Variants in MFSD11 observed in about 807,000 individuals in gnomAD.
MFSD11 encodes UNC93-like protein MFSD11.
A neutral mutation model predicts 53.5 loss-of-function variants in MFSD11; 36 were observed. The observed-to-expected ratio is 0.67, with a 90% CI of 0.52 to 0.89. MFSD11 has a LOEUF of 0.89. Ranked by LOEUF, MFSD11 falls within the 40% of genes least tolerant of loss-of-function variation. The probability of loss-of-function intolerance (pLI) is 0.00; values close to 1 mark genes in which losing one functional copy is unlikely to be tolerated. For synonymous variants in MFSD11, 186 were observed against 184.9 expected (o/e 1.01, Z -0.05); for missense variants, 530 against 543.9 (o/e 0.97, Z 0.25).
chr17:76,764,174 T>G (rs1049258553), intron 8 of MFSD11, among the ~76,000 whole-genome samples: 1 of 152,202 alleles, frequency 6.6e-6, no homozygotes, highest in African/African-American at 2.4e-5. Context: ...TTTTGATATA[T>G]GTATACATTG....
At chr17:76,777,598 G>A (rs897203593) in intron 12 of MFSD11, among the ~76,000 whole-genome samples, 2 of 148,614 alleles carry the variant, frequency 1.3e-5, no homozygotes. Context: ...TTTTGCTTTT[G>A]TCTTGTATTG....
Position 76,778,574 on chromosome 17 carries a change from T to C in MFSD11, c.*222T>C, listed in dbSNP as rs1439004991. 4.3e-6 allele frequency: 2 copies of C among 468,286 alleles called. No individual in the cohort carries two copies. The highest frequency in any genetic ancestry group is 3.7e-5 in the Admixed American group (1 of 27,196). The allele number at this position is 468,286 out of a possible 1,614,324, so 29.0% of individuals were successfully genotyped here. A position where few individuals can be genotyped will look rare whatever the true frequency, so the allele number is the denominator to read the frequency against. ...GGAAAGCTGTTCTGTCAACTGTAAT[T>C]GTTCAAAGATGTTGTTTTTCATTTC... On this transcript the variant is annotated 3_prime_UTR_variant, in exon 13 of 13. Coordinates refer to ENST00000685175, the MANE Select transcript of MFSD11 (RefSeq NM_001242532.5).
chr17:76,798,430 G>T, the MFSD11 span, among the ~76,000 whole-genome samples: 10 of 152,276 alleles, frequency 6.6e-5, no homozygotes, highest in Admixed American at 5.9e-4. Context: ...CAGGAGATCA[G>T]TGGGTGGGAT....
intron 7 of MFSD11, among the ~76,000 whole-genome samples, chr17:76,748,928 C>T (rs1432235215): frequency 2.6e-5 from 4 of 151,408 alleles, no homozygotes; most frequent in Non-Finnish European, 5.9e-5. Context: ...CCCTTCTTTT[C>T]TTCCTTCCCC....
At position 76,742,401 on chromosome 17, in the gene MFSD11, G is replaced by T. The variant is rs377034062; in HGVS notation, c.437+128G>T. 3.8e-5 allele frequency: 28 copies of T among 733,786 alleles called. No homozygotes were observed. The East Asian group carries it at 7.5e-4, about 20-fold the overall frequency. 45.5% of individuals were successfully genotyped at this position (733,786 alleles called of 1,614,324 possible). A position where few individuals can be genotyped will look rare whatever the true frequency, so the allele number is the denominator to read the frequency against. ...GACTTAAGTTCTAGCTAAATGTGAC[G>T]TGATTCCAATTTTATAGAATCACTT... On this transcript the variant is annotated intron_variant, in intron 5 of 12. Coordinates refer to ENST00000685175, the MANE Select transcript of MFSD11 (RefSeq NM_001242532.5).
intron 7 of MFSD11, 52 bp downstream of exon 7, chr17:76,744,518 C>A: frequency 6.5e-7 from 1 of 1,535,804 alleles, no homozygotes; most frequent in Non-Finnish European, 8.8e-7. Context: ...TTGAGTAGAT[C>A]TAGTCTAGAG....
chr17:76,741,157 C>A, intron 3 of MFSD11, 93 bp downstream of exon 3: 1 of 872,866 alleles, frequency 1.1e-6, no homozygotes. Flanking sequence ...TAGACTTGGA[C>A]TGAATAGAAT....
At chr17:76,749,366 A>G (rs895010606) in intron 7 of MFSD11, among the ~76,000 whole-genome samples, 3 of 151,948 alleles carry the variant, frequency 2.0e-5, no homozygotes, top group Non-Finnish European at 4.4e-5. Flanking sequence ...TCTACCAAAA[A>G]AAAAATACAA....
intron 12 of MFSD11, 78 bp from the exon 13 acceptor site, chr17:76,778,110 A>G (rs1410617669): frequency 2.1e-6 from 3 of 1,449,770 alleles, no homozygotes; most frequent in Admixed American, 1.7e-5. Flanking sequence ...GGGGCAGGAT[A>G]GGAGTGGGGC....
the MFSD11 span, among the ~76,000 whole-genome samples, chr17:76,795,526 G>A: frequency 6.6e-6 from 1 of 151,982 alleles, no homozygotes; most frequent in African/African-American, 2.4e-5. Flanking sequence ...AGGAAGATGT[G>A]TGTAGGTTAT....
chr17:76,737,287 A>T (rs1195496251), upstream of MFSD11: 1 of 1,312,170 alleles, frequency 7.6e-7, no homozygotes, highest in Non-Finnish European at 1.0e-6. Context: ...TTGCCGCAGA[A>T]CAGCACGGAC....
chr17:76,748,510 C>T (rs1448437645), intron 7 of MFSD11, among the ~76,000 whole-genome samples: 2 of 151,208 alleles, frequency 1.3e-5, no homozygotes, highest in African/African-American at 4.9e-5. Context: ...CATAGCAAGA[C>T]CTAGTCTCTA....
chr17:76,788,352 A>G, the MFSD11 span, among the ~76,000 whole-genome samples: 1 of 147,652 alleles, frequency 6.8e-6, no homozygotes, highest in African/African-American at 2.5e-5. Flanking sequence ...CAAAATATAT[A>G]TGTATATATT....
chr17:76,742,384 T>G, intron 5 of MFSD11, 111 bp downstream of exon 5: 1 of 856,352 alleles, frequency 1.2e-6, no homozygotes. Context: ...GTGACTTAAG[T>G]TCTAGCTAAA....
chr17:76,761,476 G>T (rs1038535206), intron 8 of MFSD11, among the ~76,000 whole-genome samples: 4 of 152,084 alleles, frequency 2.6e-5, no homozygotes, highest in African/African-American at 9.7e-5. Context: ...AATTATCTCT[G>T]TGAATGTTCA....
chr17:76,767,004 C>T (rs868605958), intron 8 of MFSD11: 2 of 175,110 alleles, frequency 1.1e-5, no homozygotes, highest in Non-Finnish European at 2.4e-5. Flanking sequence ...CTTAAAGCTG[C>T]TCCATGATAA....
intron 7 of MFSD11, 69 bp downstream of exon 7, chr17:76,744,535 A>C: frequency 7.0e-7 from 1 of 1,433,052 alleles, no homozygotes; most frequent in East Asian, 2.4e-5. Context: ...AGAGATTACC[A>C]ACCCGTTTAG....
chr17:76,778,251 G>A lies in MFSD11; in HGVS notation c.1249G>A (p.Val417Ile). Residue 417 changes from valine (V) to isoleucine (I), a missense_variant, in exon 13 of 13, where the codon GTC becomes ATC. Coordinates refer to ENST00000685175, the MANE Select transcript of MFSD11 (RefSeq NM_001242532.5). ...CCTTCTCCTTCACTGGCAACTCCTG[G>A]TCATGGTGATATTTGGGTTTTTTGG... is the stretch of plus-strand genomic sequence containing the variant. Reference protein sequence around the residue: ...NYLLLHWQLLVMVIFGFFGTI... With the variant: ...NYLLLHWQLLIMVIFGFFGTI... The A allele has an allele frequency of 6.2e-7, 1 of 1,614,140 alleles. No homozygotes were observed. The highest frequency in any genetic ancestry group is 8.5e-7 in the Non-Finnish European group (1 of 1,180,030).
chr17:76,746,986 G>A (rs2078605402), intron 7 of MFSD11, among the ~76,000 whole-genome samples: 1 of 149,976 alleles, frequency 6.7e-6, no homozygotes, highest in South Asian at 2.1e-4. Context: ...TCGGCTCACT[G>A]CAACCTCTGC....
Sources: gnomAD v4.1 joint callset for allele counts (sites outside exome capture counted in the v4.1 genomes callset) on GRCh38, gnomAD v4.1.1 for gene constraint, MANE v1.5 for transcripts, NCBI Gene and HGNC (gene_info 2026-07-23, HGNC 2026-07-21) for gene names.